VOPP1: variants seen among roughly 807,000 people sequenced by gnomAD.
The protein encoded by VOPP1 is WW domain binding protein VOPP1.
In VOPP1, 8 loss-of-function variants were observed where a neutral mutation model predicts 23.5. That is an observed-to-expected ratio of 0.34 (90% CI 0.20 to 0.61). The LOEUF is 0.61. Among genes scored for constraint, VOPP1 ranks in the 20% least tolerant of loss-of-function variants. The pLI is 0.78. For synonymous variants in VOPP1, 83 were observed against 97.3 expected, an observed-to-expected ratio of 0.85 and a Z score of 0.86; for missense variants, 174 against 238.1, an observed-to-expected ratio of 0.73 and a Z score of 1.77.
Position 55,483,091 on chromosome 7 carries a change from G to A in VOPP1, c.328+9191C>T, listed in dbSNP as rs889403185. ...CTCTGCAGAGTTCACAGGTGCTCAC[G>A]CTATTCTTAATGCTGAACTTGTATG... On this transcript the variant is annotated intron_variant, in intron 4 of 4. Coordinates refer to ENST00000285279, the MANE Select transcript of VOPP1 (RefSeq NM_030796.5). Among the ~76,000 whole-genome samples the A allele has an allele frequency of 5.9e-5, 9 of 152,282 alleles. No homozygotes were observed. In the East Asian group the frequency reaches 9.7e-4, roughly 16 times the overall value.
In VOPP1 at chr7:55,491,164, T is replaced by C. The variant is rs1583898325; in HGVS notation, c.328+1118A>G. Among the ~76,000 whole-genome samples the C allele has an allele frequency of 3.3e-5, 5 of 152,352 alleles. No homozygotes were observed. The South Asian group carries it at 1.0e-3, about 32-fold the overall frequency. On this transcript the variant is annotated intron_variant, in intron 4 of 4. Transcript: ENST00000285279. The stretch of plus-strand genomic sequence containing the variant: ...AAAACCATAGCCATGCTCTATTCCA[T>C]AAACATCTCTATTACCTACAAAAGT...
chr7:55,530,073 G>A lies in VOPP1; in HGVS notation c.55-8943C>T, dbSNP rs576838566. ...TCTTAATTTCTTGGGTACATACTAA[G>A]AAAAGTGGAATGGGTACGTACATTC... On this transcript the variant is annotated intron_variant, in intron 1 of 4. Coordinates refer to ENST00000285279, the MANE Select transcript of VOPP1 (RefSeq NM_030796.5). 2.6e-5 allele frequency among the ~76,000 whole-genome samples: 4 copies of A among 152,204 alleles called. No homozygotes were observed. The South Asian group carries it at 8.3e-4, about 32-fold the overall frequency.
chr7:55,552,782 T>C lies in VOPP1; in HGVS notation c.54+19489A>G, dbSNP rs1797665358. On this transcript the variant is annotated intron_variant, in intron 1 of 4. Transcript: ENST00000285279. ...GCAGAGAGGCAGCAAGTGGAGCCTG[T>C]TCTCCTAGGAAACCTCCCATGGGCT... 3.3e-6 allele frequency: 5 copies of C among 1,518,860 alleles called. No individual in the cohort carries two copies. The South Asian group carries it at 4.9e-5, about 15-fold the overall frequency. 94.1% of individuals were successfully genotyped at this position (1,518,860 alleles called of 1,614,324 possible).
chr7:55,560,419 C>T (rs904253037), intron 1 of VOPP1, among the ~76,000 whole-genome samples: 1 of 152,130 alleles, frequency 6.6e-6, no homozygotes, highest in Non-Finnish European at 1.5e-5. Flanking sequence ...AGGGTCTTTA[C>T]AGTGACAGAG....
rs146451899 is a variant in VOPP1 at position 55,558,212 on chromosome 7, C to CAAT, written c.54+14056_54+14058dup. 4.3e-3 allele frequency among the ~76,000 whole-genome samples: 650 copies of CAAT among 151,512 alleles called. 4 individuals are homozygous for CAAT. The highest frequency in any genetic ancestry group is 0.014 in the African/African-American group (580 of 41,338). On this transcript the variant is annotated intron_variant, in intron 1 of 4. Transcript: ENST00000285279. ...GCTAAGGGGTAGACCTTATGACACA[C>CAAT]AATAATAATAATAATAATAACCAGA... is the stretch of plus-strand genomic sequence containing the variant.
At chr7:55,483,430 A>G (rs1407473912) in intron 4 of VOPP1, among the ~76,000 whole-genome samples, 1 of 152,148 alleles carries the variant, frequency 6.6e-6, no homozygotes, top group Non-Finnish European at 1.5e-5. Flanking sequence ...CATGAAGGGT[A>G]GGTCCTTCCC....
At chr7:55,550,839 C>T (rs1189525290) in intron 1 of VOPP1, among the ~76,000 whole-genome samples, 1 of 152,142 alleles carries the variant, frequency 6.6e-6, no homozygotes, top group Non-Finnish European at 1.5e-5. Context: ...GTATATTTTT[C>T]TACTTTCCAA....
intron 1 of VOPP1, among the ~76,000 whole-genome samples, chr7:55,566,660 C>T (rs1798173501): frequency 1.3e-5 from 2 of 152,248 alleles, no homozygotes; most frequent in South Asian, 4.2e-4. Context: ...AAAATAAAGT[C>T]CCAACCGAAC....
chr7:55,543,016 C>T (rs1436759009), intron 1 of VOPP1, among the ~76,000 whole-genome samples: 2 of 151,946 alleles, frequency 1.3e-5, no homozygotes, highest in African/African-American at 4.8e-5. Context: ...CCCGGGTTCA[C>T]ACCATTCTCC....
At chr7:55,538,439 T>G (rs1034675428) in intron 1 of VOPP1, among the ~76,000 whole-genome samples, 7 of 152,228 alleles carry the variant, frequency 4.6e-5, no homozygotes, top group African/African-American at 1.7e-4. Flanking sequence ...GCTAACTTGA[T>G]GCTCAAATAC....
At chr7:55,530,909 T>C (rs1364761186) in intron 1 of VOPP1, 2 of 152,118 alleles carry the variant, frequency 1.3e-5, no homozygotes, top group Non-Finnish European at 2.9e-5. Flanking sequence ...AAGGAAACTG[T>C]CTCTGCAATC....
intron 3 of VOPP1, among the ~76,000 whole-genome samples, chr7:55,494,506 T>G (rs145104223): frequency 0.012 from 1,779 of 152,274 alleles, 12 homozygotes; most frequent in Middle Eastern, 0.02. Context: ...GGAAATGACA[T>G]TGCAGCTCCC....
intron 2 of VOPP1, among the ~76,000 whole-genome samples, chr7:55,506,255 C>A (rs1265382561): frequency 1.3e-5 from 2 of 152,352 alleles, no homozygotes; most frequent in African/African-American, 4.8e-5. Flanking sequence ...CTAACTCTTG[C>A]AAGCTCACTT....
At chr7:55,516,360 T>C (rs1795409145) in intron 2 of VOPP1, among the ~76,000 whole-genome samples, 1 of 152,012 alleles carries the variant, frequency 6.6e-6, no homozygotes, top group Non-Finnish European at 1.5e-5. Context: ...AGACCAATAA[T>C]GGAAAAATAT....
At chr7:55,445,264 GACATACAC>G (rs1232440944) in intron 4 of VOPP1, among the ~76,000 whole-genome samples, 3 of 85,998 alleles carry the variant, frequency 3.5e-5, no homozygotes, top group Non-Finnish European at 7.8e-5. Flanking sequence ...CACACACACA[GACATACAC>G]ACACAGACAC....
At chr7:55,567,884 C>T (rs1482341901) in intron 1 of VOPP1, among the ~76,000 whole-genome samples, 1 of 152,182 alleles carries the variant, frequency 6.6e-6, no homozygotes, top group Non-Finnish European at 1.5e-5. Context: ...GGGACTGCCA[C>T]ATTTGTTGGA....
Position 55,473,011 on chromosome 7 carries a change from G to A in VOPP1, c.363C>T (p.Asp121=), listed in dbSNP as rs1791948156. The A allele has an allele frequency of 6.3e-7, 1 of 1,598,822 alleles. No homozygotes were observed. Among genetic ancestry groups the A allele is most frequent in the African/African-American group, 1.3e-5 (1 of 74,190 alleles). The change falls in exon 5 of 5, where the codon GAC becomes GAT. Residue 121 remains aspartate (D), a synonymous_variant. Coordinates refer to ENST00000285279, the MANE Select transcript of VOPP1 (RefSeq NM_030796.5). The part of the protein sequence containing the change: ...AQQPGPPYYT[D]PGGPGMNPVG... ...CAGGGTTCATCCCCGGTCCTCCTGGGTCGGTGTAATAGGGCGGCCCCGGCT... is the reference window on the plus strand; with the variant it reads ...CAGGGTTCATCCCCGGTCCTCCTGGATCGGTGTAATAGGGCGGCCCCGGCT...
chr7:55,567,686 G>C (rs948181599), intron 1 of VOPP1, among the ~76,000 whole-genome samples: 3 of 152,210 alleles, frequency 2.0e-5, no homozygotes, highest in African/African-American at 7.2e-5. Flanking sequence ...CTTCAGAGCA[G>C]AGCTCTTGCC....
rs1412150917 is a variant in VOPP1 at position 55,519,229 on chromosome 7, G to T, written c.113+1843C>A. On this transcript the variant is annotated intron_variant, in intron 2 of 4. Coordinates refer to ENST00000285279, the MANE Select transcript of VOPP1 (RefSeq NM_030796.5). Reference sequence around the variant, plus strand: ...GATCCTTCTCCCCACCATTGGAAGAGAAAAGCGCGAAAGGAAACTGGGCCA... The same window carrying T: ...GATCCTTCTCCCCACCATTGGAAGATAAAAGCGCGAAAGGAAACTGGGCCA... Among the ~76,000 whole-genome samples the T allele has an allele frequency of 2.0e-5, 3 of 152,222 alleles. No homozygotes were observed. The East Asian group carries it at 5.8e-4, about 29-fold the overall frequency.
Sources: gnomAD v4.1 joint callset for allele counts (sites outside exome capture counted in the v4.1 genomes callset) on GRCh38, gnomAD v4.1.1 for gene constraint, MANE v1.5 for transcripts, NCBI Gene and HGNC (gene_info 2026-07-23, HGNC 2026-07-21) for gene names.